MSANTD4: variants seen among roughly 807,000 people sequenced by gnomAD.
MSANTD4 encodes Myb/SANT DNA binding domain containing 4 with coiled-coils, also known as myb/SANT-like DNA-binding domain-containing protein 4.
In MSANTD4, 13 loss-of-function variants were observed where a neutral mutation model predicts 34.3. The ratio of observed to expected loss-of-function variants is 0.38; its 90% CI spans 0.25 to 0.60. The LOEUF (loss-of-function observed/expected upper bound fraction) is 0.60, where lower values mean the gene tolerates loss of function less well. Ranked by LOEUF, MSANTD4 falls within the 20% of genes least tolerant of loss-of-function variation. The pLI, the probability that MSANTD4 is intolerant of heterozygous loss-of-function variation, is 0.63. For synonymous variants in MSANTD4, 137 were observed against 145.2 expected, an observed-to-expected ratio of 0.94 and a Z score of 0.41; for missense variants, 358 against 401.8, an observed-to-expected ratio of 0.89 and a Z score of 0.93.
At chr11:106,020,798 T>A (rs1450450598) in intron 1 of MSANTD4, among the ~76,000 whole-genome samples, 164 bp downstream of exon 1, 2 of 152,232 alleles carry the variant, frequency 1.3e-5, no homozygotes, top group African/African-American at 4.8e-5. Flanking sequence ...CTTTAATACA[T>A]TTTTAACCTG....
At chr11:106,012,805 C>A (rs1859734744) in intron 1 of MSANTD4, among the ~76,000 whole-genome samples, 1 of 152,212 alleles carries the variant, frequency 6.6e-6, no homozygotes, top group Admixed American at 6.5e-5. Context: ...ATGCCTCACT[C>A]TCTTATCTAC....
intron 1 of MSANTD4, among the ~76,000 whole-genome samples, chr11:106,016,415 G>T (rs368507252): frequency 1.3e-5 from 2 of 152,266 alleles, no homozygotes; most frequent in East Asian, 3.9e-4. Context: ...AGAATTATTG[G>T]TCAAAACTTG....
chr11:106,008,344 G>T lies in MSANTD4; in HGVS notation c.*1191C>A, dbSNP rs1298397813. Reference sequence around the variant, plus strand: ...GGACAAAATATACTACAATATAGAAGATCAGCCATTTACTCTGTGTCACTT... The same window carrying T: ...GGACAAAATATACTACAATATAGAATATCAGCCATTTACTCTGTGTCACTT... On this transcript the variant is annotated 3_prime_UTR_variant, in exon 3 of 3. Coordinates refer to ENST00000301919, the MANE Select transcript of MSANTD4 (RefSeq NM_032424.3). The T allele has an allele frequency of 6.6e-6, 1 of 152,194 alleles. No homozygotes were observed. The highest frequency in any genetic ancestry group is 6.5e-5 in the Admixed American group (1 of 15,268). 9.4% of individuals were successfully genotyped at this position (152,194 alleles called of 1,614,324 possible).
intron 1 of MSANTD4, among the ~76,000 whole-genome samples, chr11:106,013,158 G>A (rs1859745409): frequency 6.6e-6 from 1 of 152,110 alleles, no homozygotes; most frequent in African/African-American, 2.4e-5. Context: ...AAAGATGTAA[G>A]GGGAAACAGG....
At chr11:106,010,350 T>C (rs1362368291) in intron 2 of MSANTD4, 106 bp downstream of exon 2, 11 of 1,478,416 alleles carry the variant, frequency 7.4e-6, no homozygotes, top group Non-Finnish European at 9.8e-6. Flanking sequence ...TATGTACTAT[T>C]TTTAAATAAG....
At chr11:106,014,521 T>C (rs548370773) in intron 1 of MSANTD4, among the ~76,000 whole-genome samples, 1 of 152,368 alleles carries the variant, frequency 6.6e-6, no homozygotes, top group East Asian at 1.9e-4. Context: ...ACAATACAAA[T>C]AGTATCTTCT....
At position 106,011,489 on chromosome 11, in the gene MSANTD4, C is replaced by T. The variant is rs151085868; in HGVS notation, c.-150-422G>A. On this transcript the variant is annotated intron_variant, in intron 1 of 2. Coordinates refer to ENST00000301919, the MANE Select transcript of MSANTD4 (RefSeq NM_032424.3). ...TATTCCTCCTCGGTCTACTTTATTCCTCCTCATCCTTTAGCTTGCAGATTA... is the reference window on the plus strand; with the variant it reads ...TATTCCTCCTCGGTCTACTTTATTCTTCCTCATCCTTTAGCTTGCAGATTA... Among the ~76,000 whole-genome samples the T allele has an allele frequency of 2.8e-3, 428 of 152,268 alleles. 3 individuals are homozygous for T. Among genetic ancestry groups the T allele is most frequent in the African/African-American group, 9.7e-3 (403 of 41,546 alleles).
chr11:106,010,958 A>G lies in MSANTD4; in HGVS notation c.-41T>C. On this transcript the variant is annotated 5_prime_UTR_variant, in exon 2 of 3. Coordinates refer to ENST00000301919, the MANE Select transcript of MSANTD4 (RefSeq NM_032424.3). ...AGTTTTTATGGTAAGAGATGTGAAA[A>G]CAATTTGAGGAATGCTGCAAAGCAC... 6.5e-7 allele frequency: 1 copy of G among 1,533,606 alleles called. No individual in the cohort carries two copies. Among genetic ancestry groups the G allele is most frequent in the Non-Finnish European group, 8.7e-7 (1 of 1,144,536 alleles). 95.0% of individuals were successfully genotyped at this position (1,533,606 alleles called of 1,614,324 possible).
intron 1 of MSANTD4, among the ~76,000 whole-genome samples, chr11:106,013,477 C>T (rs1859757462): frequency 6.6e-6 from 1 of 152,166 alleles, no homozygotes. Context: ...CACAACACAG[C>T]TAGTTAAATG....
intron 2 of MSANTD4, among the ~76,000 whole-genome samples, 171 bp downstream of exon 2, chr11:106,010,285 A>G (rs1439642363): frequency 6.6e-6 from 1 of 152,206 alleles, no homozygotes; most frequent in African/African-American, 2.4e-5. Flanking sequence ...AGGTAATTAT[A>G]TTTAGGTGGG....
intron 1 of MSANTD4, among the ~76,000 whole-genome samples, chr11:106,017,635 T>A (rs938392214): frequency 6.6e-6 from 1 of 152,192 alleles, no homozygotes; most frequent in African/African-American, 2.4e-5. Context: ...TCGTTTATAA[T>A]AGTATGTAAA....
intron 1 of MSANTD4, among the ~76,000 whole-genome samples, chr11:106,019,861 T>C (rs1431815798): frequency 2.0e-5 from 3 of 152,214 alleles, no homozygotes; most frequent in Admixed American, 6.5e-5. Context: ...TGTATGCCAA[T>C]TCCACCACTT....
intron 1 of MSANTD4, among the ~76,000 whole-genome samples, chr11:106,014,630 T>C (rs1417290740): frequency 6.6e-6 from 1 of 152,270 alleles, no homozygotes; most frequent in African/African-American, 2.4e-5. Context: ...AAGTGGATGC[T>C]AATACCTTAT....
At position 106,009,471 on chromosome 11, in the gene MSANTD4, A is replaced by C. The variant is rs958633743; in HGVS notation, c.*64T>G. 2 of 1,442,650 alleles carry C rather than the reference A, an allele frequency of 1.4e-6. No individual in the cohort carries two copies. Among genetic ancestry groups the C allele is most frequent in the Non-Finnish European group, 1.9e-6 (2 of 1,065,158 alleles). The allele number at this position is 1,442,650 out of a possible 1,614,324, so 89.4% of individuals were successfully genotyped here. A position where few individuals can be genotyped will look rare whatever the true frequency, so the allele number is the denominator to read the frequency against. On this transcript the variant is annotated 3_prime_UTR_variant, in exon 3 of 3. Transcript: ENST00000301919. Reference sequence around the variant, plus strand: ...CACAGCTAATCCAGCAACCATCATTATATCACCTGATATGAGAAAAATCTA... The same window carrying C: ...CACAGCTAATCCAGCAACCATCATTCTATCACCTGATATGAGAAAAATCTA...
chr11:106,009,375 A>G lies in MSANTD4; in HGVS notation c.*160T>C. 1 of 653,676 alleles carries G rather than the reference A, an allele frequency of 1.5e-6. No individual in the cohort carries two copies. Among genetic ancestry groups the G allele is most frequent in the Non-Finnish European group, 2.6e-6 (1 of 385,628 alleles). 40.5% of individuals were successfully genotyped at this position (653,676 alleles called of 1,614,324 possible). A position where few individuals can be genotyped will look rare whatever the true frequency, so the allele number is the denominator to read the frequency against. On this transcript the variant is annotated 3_prime_UTR_variant, in exon 3 of 3. Transcript: ENST00000301919. ...CTGTTTACGCTAGGGCACAGCTTTT[A>G]TATACTACTTAGGCATACAGTTATC...
intron 1 of MSANTD4, among the ~76,000 whole-genome samples, chr11:106,016,841 C>T (rs183838523): frequency 7.8e-4 from 118 of 152,112 alleles, no homozygotes; most frequent in African/African-American, 2.7e-3. Flanking sequence ...TATTGACCAA[C>T]CATAAATAGG....
At position 106,010,680 on chromosome 11, in the gene MSANTD4, T is replaced by A; in HGVS notation, c.238A>T (p.Met80Leu). Residue 80 changes from methionine to leucine, a missense_variant, in exon 2 of 3, where the codon ATG becomes TTG. Physicochemically the swap from Met to Leu is conservative, Grantham distance 15. This residue lies in a region of MSANTD4 where 312 missense variants were observed against 317.6 expected (regional missense o/e 0.98). Transcript: ENST00000301919. The stretch of plus-strand genomic sequence containing the variant: ...TTGGCCTTCATCCTCTTTCTCTTCA[T>A]AAGTGCTCGCCAGTCAAGGTACCTT... ...KRRYLDWRAL[M>L]KRKRMKANIK... 1 of 1,614,188 alleles carries A rather than the reference T, an allele frequency of 6.2e-7. No homozygotes were observed. The highest frequency in any genetic ancestry group is 8.5e-7 in the Non-Finnish European group (1 of 1,180,030).
In MSANTD4 at chr11:106,008,438, A is replaced by C. The variant is rs1319358001; in HGVS notation, c.*1097T>G. ...AGAATTGTTCTACATATTAGGTTAGATAGTGTAATAAGTGCTTCTCCAATC... is the reference window on the plus strand; with the variant it reads ...AGAATTGTTCTACATATTAGGTTAGCTAGTGTAATAAGTGCTTCTCCAATC... On this transcript the variant is annotated 3_prime_UTR_variant, in exon 3 of 3. Transcript: ENST00000301919. 4 of 152,246 alleles carry C rather than the reference A, an allele frequency of 2.6e-5. No homozygotes were observed. The highest frequency in any genetic ancestry group is 2.6e-4 in the Admixed American group (4 of 15,286). 9.4% of individuals were successfully genotyped at this position (152,246 alleles called of 1,614,324 possible). A position where few individuals can be genotyped will look rare whatever the true frequency, so the allele number is the denominator to read the frequency against.
chr11:106,008,664 T>C lies in MSANTD4; in HGVS notation c.*871A>G, dbSNP rs1252009576. 6.6e-6 allele frequency: 1 copy of C among 152,202 alleles called. No individual in the cohort carries two copies. Among genetic ancestry groups the C allele is most frequent in the Non-Finnish European group, 1.5e-5 (1 of 68,034 alleles). 9.4% of individuals were successfully genotyped at this position (152,202 alleles called of 1,614,324 possible). ...TTTACTAGCTTCAACTATTCACTTATAAGATTTCAGTACATTACTGAAATG... is the reference window on the plus strand; with the variant it reads ...TTTACTAGCTTCAACTATTCACTTACAAGATTTCAGTACATTACTGAAATG... On this transcript the variant is annotated 3_prime_UTR_variant, in exon 3 of 3. Transcript: ENST00000301919.
Sources: allele counts gnomAD v4.1 joint callset (sites outside exome capture counted in the v4.1 genomes callset), GRCh38; gene constraint gnomAD v4.1.1; regional missense constraint gnomAD v4.1.1; transcripts MANE v1.5; gene names NCBI Gene and HGNC (gene_info 2026-07-23, HGNC 2026-07-21).